CCBE1: variants seen among roughly 807,000 people sequenced by gnomAD.
CCBE1 encodes collagen and calcium-binding EGF domain-containing protein 1.
CCBE1 carries 37 observed loss-of-function variants against 50.0 expected under a neutral mutation model. The ratio of observed to expected loss-of-function variants is 0.74; its 90% CI spans 0.57 to 0.97. CCBE1 has a LOEUF of 0.97. Among genes scored for constraint, CCBE1 ranks in the 50% least tolerant of loss-of-function variants. The pLI is 0.00. For missense variants in CCBE1, 538 were observed against 523.8 expected (o/e 1.03, Z -0.26); for synonymous variants, 234 against 203.7 (o/e 1.15, Z -1.27).
In CCBE1 at chr18:59,454,767, C is replaced by T. The variant is rs1446432569; in HGVS notation, c.654+84G>A. On this transcript the variant is annotated intron_variant, in intron 6 of 10. Coordinates refer to ENST00000439986, the MANE Select transcript of CCBE1 (RefSeq NM_133459.4). ...CGTGAATGCTCAATGTGGATATTTT[C>T]TTATTTGTAAATATCCTTCCACCTG... is the stretch of plus-strand genomic sequence containing the variant. 11 of 1,170,298 alleles carry T rather than the reference C, an allele frequency of 9.4e-6. No homozygotes were observed. In the Admixed American group the frequency reaches 1.6e-4, roughly 16 times the overall value. 72.5% of individuals were successfully genotyped at this position (1,170,298 alleles called of 1,614,324 possible).
intron 6 of CCBE1, among the ~76,000 whole-genome samples, chr18:59,452,671 AG>A (rs1271077058): frequency 2.0e-5 from 3 of 152,234 alleles, no homozygotes; most frequent in Non-Finnish European, 2.9e-5. Context: ...CCTAGGTTTT[AG>A]GCCTGCCCTC....
intron 2 of CCBE1, among the ~76,000 whole-genome samples, chr18:59,671,756 G>T (rs1223901349): frequency 6.8e-6 from 1 of 147,024 alleles, no homozygotes; most frequent in African/African-American, 2.5e-5. Flanking sequence ...AAGGGGAAAG[G>T]CATTCTCAAA....
chr18:59,543,527 T>TGCGAGAGGCC (rs550435051), intron 2 of CCBE1, among the ~76,000 whole-genome samples: 5 of 152,114 alleles, frequency 3.3e-5, no homozygotes, highest in Admixed American at 6.5e-5. Flanking sequence ...ATAAAACTAA[T>TGCGAGAGGCC]GCGAGAGGCC....
At position 59,434,663 on chromosome 18, in the gene CCBE1, A is replaced by C. The variant is rs1430689084; in HGVS notation, c.*1245T>G. 6.6e-6 allele frequency: 1 copy of C among 152,228 alleles called. No individual in the cohort carries two copies. Among genetic ancestry groups the C allele is most frequent in the African/African-American group, 2.4e-5 (1 of 41,466 alleles). 9.4% of individuals were successfully genotyped at this position (152,228 alleles called of 1,614,324 possible). On this transcript the variant is annotated 3_prime_UTR_variant, in exon 11 of 11. Coordinates refer to ENST00000439986, the MANE Select transcript of CCBE1 (RefSeq NM_133459.4). The stretch of plus-strand genomic sequence containing the variant: ...AAATAAATCAAAGAGAAGGCCTAAA[A>C]GAACTGGAACTTGGACTAAATTAAA...
chr18:59,510,447 G>A lies in CCBE1; in HGVS notation c.213-30209C>T, dbSNP rs1914082748. Among the ~76,000 whole-genome samples the A allele has an allele frequency of 2.0e-5, 3 of 151,558 alleles. No individual in the cohort carries two copies. In the South Asian group the frequency reaches 6.2e-4, roughly 31 times the overall value. ...TGAACTTTTTTTTTTTTGAGATGGA[G>A]TTTTGCCCTTGTCACCCAGACTGGA... On this transcript the variant is annotated intron_variant, in intron 2 of 10. Coordinates refer to ENST00000439986, the MANE Select transcript of CCBE1 (RefSeq NM_133459.4).
chr18:59,451,324 C>A (rs982500462), intron 6 of CCBE1, among the ~76,000 whole-genome samples: 4 of 151,398 alleles, frequency 2.6e-5, no homozygotes, highest in Non-Finnish European at 5.9e-5. Flanking sequence ...AGGCTGAGTG[C>A]AGGCTTGAGT....
intron 2 of CCBE1, among the ~76,000 whole-genome samples, chr18:59,691,661 C>T (rs2054735310): frequency 6.6e-6 from 1 of 152,214 alleles, no homozygotes; most frequent in Non-Finnish European, 1.5e-5. Context: ...GCCTTGGCCT[C>T]CCAAAGTGCT....
intron 2 of CCBE1, among the ~76,000 whole-genome samples, chr18:59,588,202 A>T (rs2053205359): frequency 6.6e-6 from 1 of 152,218 alleles, no homozygotes; most frequent in African/African-American, 2.4e-5. Context: ...TAATTACATT[A>T]ATCTGAGTGT....
intron 2 of CCBE1, among the ~76,000 whole-genome samples, chr18:59,483,698 A>T (rs1912682613): frequency 6.6e-6 from 1 of 152,212 alleles, no homozygotes; most frequent in Non-Finnish European, 1.5e-5. Context: ...CATAACTGGG[A>T]ACAGCAACTC....
At position 59,454,964 on chromosome 18, in the gene CCBE1, A is replaced by G. The variant is rs1309811884; in HGVS notation, c.554-13T>C. On this transcript the variant is annotated splice_polypyrimidine_tract_variant and intron_variant, in intron 5 of 10. Coordinates refer to ENST00000439986, the MANE Select transcript of CCBE1 (RefSeq NM_133459.4). The stretch of plus-strand genomic sequence containing the variant: ...GACTTCTCATGGCCTGAGAAAGGAG[A>G]TAGGCTCAGTCCTGTCTGGGAGGCT... 1 of 1,608,300 alleles carries G rather than the reference A, an allele frequency of 6.2e-7. No individual in the cohort carries two copies. The highest frequency in any genetic ancestry group is 8.5e-7 in the Non-Finnish European group (1 of 1,175,262).
chr18:59,504,604 G>C (rs8090670), intron 2 of CCBE1, among the ~76,000 whole-genome samples: 43,637 of 151,974 alleles, frequency 0.29, 6,506 homozygotes, highest in Middle Eastern at 0.36. Context: ...AGAGATCGGA[G>C]CAATGCACCT....
rs57217059 is a variant in CCBE1, at chr18:59,522,993, C to CAAAAAAAAAAAAAA, written c.213-42769_213-42756dup. 1.6e-4 allele frequency among the ~76,000 whole-genome samples: 14 copies of CAAAAAAAAAAAAAA among 89,218 alleles called. 1 individual carries two copies. Among genetic ancestry groups the CAAAAAAAAAAAAAA allele is most frequent in the Admixed American group, 2.6e-4 (2 of 7,674 alleles). The allele number at this position is 89,218 out of a possible 152,430, so 58.5% of individuals were successfully genotyped here. On this transcript the variant is annotated intron_variant, in intron 2 of 10. Coordinates refer to ENST00000439986, the MANE Select transcript of CCBE1 (RefSeq NM_133459.4). ...GGCAACAGAGTGAGAGACTCTGTTT[C>CAAAAAAAAAAAAAA]AAAAAAAAAAAAAAAAAAAATTCTC...
At chr18:59,677,536 A>G (rs2054522169) in intron 2 of CCBE1, among the ~76,000 whole-genome samples, 3 of 152,178 alleles carry the variant, frequency 2.0e-5, no homozygotes, top group South Asian at 4.1e-4. Context: ...GAACTAGTCT[A>G]TACACGCCAC....
intron 2 of CCBE1, among the ~76,000 whole-genome samples, chr18:59,617,353 G>A (rs1345979821): frequency 6.6e-6 from 1 of 152,182 alleles, no homozygotes; most frequent in East Asian, 1.9e-4. Flanking sequence ...TAGATTCTTT[G>A]TTTACTAAAA....
rs201332356 is a variant in CCBE1, at chr18:59,458,135, TCCATCCATCCATCTATCCATCCATCCAA to T, written c.554-3212_554-3185del. Among the ~76,000 whole-genome samples the T allele has an allele frequency of 0.011, 1,738 of 152,060 alleles. 117 individuals carry two copies. In the East Asian group the frequency reaches 0.2, roughly 18 times the overall value. ...GTCTGTCCATCAATCCATCCATCCA[TCCATCCATCCATCTATCCATCCATCCAA>T]CCATCCATCCATCCTTCCATCCATC... On this transcript the variant is annotated intron_variant, in intron 5 of 10. Transcript: ENST00000439986.
chr18:59,565,673 A>G (rs2052812576), intron 2 of CCBE1, among the ~76,000 whole-genome samples: 1 of 152,184 alleles, frequency 6.6e-6, no homozygotes, highest in Admixed American at 6.5e-5. Context: ...TAAACTAAGC[A>G]TAGGGCCCTT....
At chr18:59,677,959 G>A (rs895212575) in intron 2 of CCBE1, among the ~76,000 whole-genome samples, 5 of 152,098 alleles carry the variant, frequency 3.3e-5, no homozygotes, top group South Asian at 2.1e-4. Context: ...ATACACAACC[G>A]GGCTTAGAGT....
At chr18:59,511,857 G>A (rs1914146629) in intron 2 of CCBE1, among the ~76,000 whole-genome samples, 1 of 152,206 alleles carries the variant, frequency 6.6e-6, no homozygotes, top group African/African-American at 2.4e-5. Context: ...ACAGGAACAT[G>A]ATCAAAAAGA....
intron 2 of CCBE1, among the ~76,000 whole-genome samples, chr18:59,618,557 C>T (rs1217706893): frequency 6.6e-6 from 1 of 151,976 alleles, no homozygotes; most frequent in Non-Finnish European, 1.5e-5. Context: ...GCTTCAGCCA[C>T]CTGAGTAGCG....
Sources: allele counts gnomAD v4.1 joint callset (sites outside exome capture counted in the v4.1 genomes callset), GRCh38; gene constraint gnomAD v4.1.1; transcripts MANE v1.5; gene names NCBI Gene and HGNC (gene_info 2026-07-23, HGNC 2026-07-21).